RBFOX1: variants seen among roughly 807,000 people sequenced by gnomAD.
RBFOX1 encodes the protein RNA binding protein fox-1 homolog 1.
In RBFOX1, 8 loss-of-function variants were observed where a neutral mutation model predicts 57.7. The observed-to-expected ratio is 0.14, with a 90% CI of 0.08 to 0.25. RBFOX1 has a LOEUF of 0.25. RBFOX1 is among the 10% of genes least tolerant of loss of function. RBFOX1 has a pLI of 1.00. For missense variants in RBFOX1, 611 were observed against 548.5 expected (o/e 1.11, Z -1.14); for synonymous variants, 326 against 222.4 (o/e 1.47, Z -4.15).
intron 4 of RBFOX1, among the ~76,000 whole-genome samples, chr16:7,474,418 A>T (rs1034729689): frequency 6.6e-6 from 1 of 152,142 alleles, no homozygotes; most frequent in Non-Finnish European, 1.5e-5. Flanking sequence ...AAGGTCATGT[A>T]TTCATGCTTC....
At chr16:6,823,232 C>G (rs1024674979) in intron 3 of RBFOX1, among the ~76,000 whole-genome samples, 3 of 151,696 alleles carry the variant, frequency 2.0e-5, no homozygotes. Context: ...CTTGGCCCAT[C>G]TGAAATTGTT....
At chr16:7,069,645 C>G (rs1393600809) in intron 4 of RBFOX1, among the ~76,000 whole-genome samples, 1 of 152,092 alleles carries the variant, frequency 6.6e-6, no homozygotes, top group Non-Finnish European at 1.5e-5. Flanking sequence ...AAAAAGCACT[C>G]AACTGAGGAT....
chr16:5,303,418 GTC>G (rs544123389), intron 1 of RBFOX1, among the ~76,000 whole-genome samples: 8 of 152,186 alleles, frequency 5.3e-5, no homozygotes. Context: ...GTCAAGCTGT[GTC>G]TCTCTCTAGG....
chr16:6,003,464 C>T (rs546983584), intron 4 of RBFOX1, among the ~76,000 whole-genome samples: 86 of 152,126 alleles, frequency 5.7e-4, no homozygotes, highest in Non-Finnish European at 9.0e-4. Flanking sequence ...CTCGCCACCG[C>T]CCACCACCAC....
intron 3 of RBFOX1, among the ~76,000 whole-genome samples, chr16:7,027,377 C>A (rs746851295): frequency 2.6e-5 from 4 of 152,126 alleles, no homozygotes; most frequent in Admixed American, 6.6e-5. Context: ...TAGATATAAT[C>A]TCATAGATGC....
At chr16:7,487,568 A>T (rs913343831) in intron 4 of RBFOX1, among the ~76,000 whole-genome samples, 1 of 152,210 alleles carries the variant, frequency 6.6e-6, no homozygotes, top group Non-Finnish European at 1.5e-5. Flanking sequence ...CAGAATTCTC[A>T]TCTGCCATCT....
At chr16:5,461,988 C>T (rs2068801928) in intron 1 of RBFOX1, among the ~76,000 whole-genome samples, 4 of 152,080 alleles carry the variant, frequency 2.6e-5, no homozygotes, top group East Asian at 1.9e-4. Context: ...TGCCTGGTTG[C>T]CCACCAGAAA....
At chr16:6,416,792 A>G (rs1423408628) in intron 2 of RBFOX1, among the ~76,000 whole-genome samples, 2 of 152,170 alleles carry the variant, frequency 1.3e-5, no homozygotes, top group South Asian at 4.1e-4. Context: ...GGATACATCA[A>G]ACAGGTTGCA....
At chr16:6,883,419 A>C (rs1365231798) in intron 3 of RBFOX1, among the ~76,000 whole-genome samples, 2 of 152,180 alleles carry the variant, frequency 1.3e-5, no homozygotes, top group African/African-American at 4.8e-5. Flanking sequence ...AACTTAATTA[A>C]TGTGTTGGTT....
chr16:5,375,517 G>A (rs2065963450), intron 1 of RBFOX1, among the ~76,000 whole-genome samples: 1 of 152,194 alleles, frequency 6.6e-6, no homozygotes, highest in Non-Finnish European at 1.5e-5. Flanking sequence ...GCAGGGGAGG[G>A]AGAGGACTGC....
intron 1 of RBFOX1, among the ~76,000 whole-genome samples, chr16:6,291,009 G>T (rs958697541): frequency 6.6e-6 from 1 of 152,142 alleles, no homozygotes; most frequent in Non-Finnish European, 1.5e-5. Flanking sequence ...CAAACAAGGG[G>T]TGTATTATTC....
At chr16:7,357,099 G>T (rs2097229632) in intron 4 of RBFOX1, among the ~76,000 whole-genome samples, 1 of 152,138 alleles carries the variant, frequency 6.6e-6, no homozygotes, top group Non-Finnish European at 1.5e-5. Flanking sequence ...GTCCAGTAGT[G>T]TCATGACCAG....
intron 3 of RBFOX1, among the ~76,000 whole-genome samples, chr16:5,641,972 G>A (rs1443364959): frequency 6.6e-6 from 1 of 152,146 alleles, no homozygotes; most frequent in Admixed American, 6.5e-5. Flanking sequence ...TCTGAGGTGG[G>A]ACTCGTGATT....
intron 1 of RBFOX1, among the ~76,000 whole-genome samples, chr16:5,301,618 CAAAAAAAAA>C (rs60501583): frequency 1.1e-5 from 1 of 87,052 alleles, no homozygotes; most frequent in Admixed American, 1.5e-4. Flanking sequence ...GTCTCCATCT[CAAAAAAAAA>C]AAAAAAAAAA....
chr16:6,619,786 T>A (rs1004225168), intron 2 of RBFOX1, among the ~76,000 whole-genome samples: 2 of 151,686 alleles, frequency 1.3e-5, no homozygotes, highest in African/African-American at 4.8e-5. Context: ...GGACTTGTTG[T>A]ACAGATGATT....
At chr16:5,979,937 G>C (rs4640184) in intron 4 of RBFOX1, among the ~76,000 whole-genome samples, 98,801 of 152,068 alleles carry the variant, frequency 0.65, 33,653 homozygotes, top group East Asian at 0.91. Context: ...ACACAGGTAG[G>C]ACGTGGCAGA....
chr16:7,518,311 C>A lies in RBFOX1; in HGVS notation c.192C>A (p.Asn64Lys). The A allele has an allele frequency of 6.2e-7, 1 of 1,614,140 alleles. No homozygotes were observed. The highest frequency in any genetic ancestry group is 8.5e-7 in the Non-Finnish European group (1 of 1,180,016). The change falls in exon 5 of 16, where the codon AAC becomes AAA. Residue 64 changes from asparagine (N) to lysine (K), a missense_variant. Physicochemically the swap from Asn to Lys is moderately conservative, Grantham distance 94. Around this residue, in one of 3 missense-constraint regions of RBFOX1, gnomAD observed 245 missense variants for 159.1 expected, o/e 1.54. Coordinates refer to ENST00000550418, the MANE Select transcript of RBFOX1 (RefSeq NM_018723.4). ...CCACGGTTCCCGAGCACACATTAAA[C>A]CTGTACCCTCCCGCCCAGACGCACT... ...GQTTVPEHTLNLYPPAQTHSE... is the reference protein window; with the variant it reads ...GQTTVPEHTLKLYPPAQTHSE...
rs540724001 is a variant in RBFOX1, at chr16:5,346,385, C to T, written c.219+106280C>T. Among the ~76,000 whole-genome samples, 12 of 152,148 alleles carry T rather than the reference C, an allele frequency of 7.9e-5. 1 individual carries two copies. The highest frequency in any genetic ancestry group is 2.7e-4 in the African/African-American group (11 of 41,498). On this transcript the variant is annotated intron_variant, in intron 1 of 2. Coordinates refer to the RBFOX1 transcript ENST00000585867. The stretch of plus-strand genomic sequence containing the variant: ...ACATAAATTGTCAGGAGAGGGAAAA[C>T]GAGGGAGCAATTAATTAAGAGAAAA...
intron 1 of RBFOX1, among the ~76,000 whole-genome samples, chr16:6,256,145 A>ATATATATATG (rs1567787233): frequency 1.3e-4 from 2 of 15,720 alleles, no homozygotes; most frequent in East Asian, 3.5e-3. Context: ...ATATGTGTGT[A>ATATATATATG]TATATATATA....
Sources: gnomAD v4.1 joint callset for allele counts (sites outside exome capture counted in the v4.1 genomes callset) on GRCh38, gnomAD v4.1.1 for gene constraint, gnomAD v4.1.1 regional missense constraint, MANE v1.5 for transcripts, NCBI Gene and HGNC (gene_info 2026-07-23, HGNC 2026-07-21) for gene names.